Variants in FERMT1 observed in about 807,000 individuals in gnomAD.
FERMT1 encodes the protein fermitin family homolog 1.
A neutral mutation model predicts 85.3 loss-of-function variants in FERMT1; 60 were observed. The observed-to-expected ratio is 0.70, with a 90% CI of 0.57 to 0.87. The LOEUF is 0.87. Ranked by LOEUF, FERMT1 falls within the 40% of genes least tolerant of loss-of-function variation. FERMT1 has a pLI of 0.00. For synonymous variants in FERMT1, 275 were observed against 301.1 expected, an observed-to-expected ratio of 0.91 and a Z score of 0.90; for missense variants, 701 against 818.9, an observed-to-expected ratio of 0.86 and a Z score of 1.76.
chr20:6,116,086 C>A (rs143539679), intron 2 of FERMT1, 42 bp from the exon 3 acceptor site: 3 of 1,423,920 alleles, frequency 2.1e-6, no homozygotes, highest in Non-Finnish European at 2.0e-6. Flanking sequence ...GAGAGAGGGC[C>A]CAGCTTGGAG....
chr20:6,081,104 C>G (rs1981982524), intron 13 of FERMT1, among the ~76,000 whole-genome samples: 1 of 151,950 alleles, frequency 6.6e-6, no homozygotes, highest in Non-Finnish European at 1.5e-5. Flanking sequence ...CTGGGTAACA[C>G]AGTGAGATCC....
At chr20:6,111,712 T>C (rs922453253) in intron 4 of FERMT1, among the ~76,000 whole-genome samples, 13 of 152,102 alleles carry the variant, frequency 8.5e-5, no homozygotes, top group Non-Finnish European at 1.8e-4. Context: ...TTTGATTGTT[T>C]TGATATAAAA....
At chr20:6,088,021 A>C in intron 10 of FERMT1, 138 bp from the exon 11 acceptor site, 1 of 688,162 alleles carries the variant, frequency 1.5e-6, no homozygotes, top group South Asian at 1.5e-5. Flanking sequence ...GAGCAAGCTG[A>C]TAACATTAAT....
At chr20:6,108,539 G>A (rs1221888687) in intron 5 of FERMT1, among the ~76,000 whole-genome samples, 1 of 152,092 alleles carries the variant, frequency 6.6e-6, no homozygotes, top group Non-Finnish European at 1.5e-5. Flanking sequence ...GCAGGGTGCG[G>A]GGACTCATAC....
chr20:6,103,740 T>C (rs376979627), intron 6 of FERMT1, among the ~76,000 whole-genome samples: 1 of 150,734 alleles, frequency 6.6e-6, no homozygotes, highest in South Asian at 2.1e-4. Flanking sequence ...TTGTAGTATG[T>C]GTTGTAAAGA....
intron 6 of FERMT1, among the ~76,000 whole-genome samples, chr20:6,101,809 T>A (rs1460285147): frequency 3.9e-5 from 6 of 151,962 alleles, no homozygotes; most frequent in Non-Finnish European, 8.8e-5. Flanking sequence ...CCCGCCTCCA[T>A]GCTCCGCTAA....
chr20:6,090,634 C>T (rs1982330415), intron 9 of FERMT1, among the ~76,000 whole-genome samples: 1 of 151,828 alleles, frequency 6.6e-6, no homozygotes, highest in Non-Finnish European at 1.5e-5. Flanking sequence ...TGTCTATAGT[C>T]CCAGCTATGT....
At chr20:6,081,159 G>A (rs143394463) in intron 13 of FERMT1, among the ~76,000 whole-genome samples, 2 of 151,936 alleles carry the variant, frequency 1.3e-5, no homozygotes, top group African/African-American at 4.8e-5. Context: ...CTCACAAGTC[G>A]CAGCTACTTG....
At chr20:6,079,610 C>T (rs750635283) in intron 13 of FERMT1, 33 bp from the exon 14 acceptor site, 1 of 1,584,078 alleles carries the variant, frequency 6.3e-7, no homozygotes, top group Non-Finnish European at 8.7e-7. Context: ...TTAAGAGAAG[C>T]AACTGCTTCC....
At chr20:6,111,901 T>A (rs1982962188) in intron 4 of FERMT1, among the ~76,000 whole-genome samples, 1 of 148,448 alleles carries the variant, frequency 6.7e-6, no homozygotes, top group African/African-American at 2.4e-5. Flanking sequence ...TCTTGCTCTG[T>A]CACCCAGCCT....
rs775064265 is a variant in FERMT1 at position 6,110,404 on chromosome 20, G to C, written c.640C>G (p.Gln214Glu). 28 of 1,613,940 alleles carry C rather than the reference G, an allele frequency of 1.7e-5. No homozygotes were observed. The African/African-American group carries it at 3.5e-4, about 20-fold the overall frequency. ...TWFSDSPLTEQNCSILAFSQP... is the reference protein window; with the variant it reads ...TWFSDSPLTEENCSILAFSQP... ...CTGAATGCGAGGATGCTGCAGTTTT[G>C]TTCCGTCAAAGGGCTGTCACTGAAC... The change falls in exon 5 of 15, where the codon CAA (glutamine) becomes GAA (glutamate). Residue 214 changes from glutamine to glutamate, a missense_variant. Coordinates refer to ENST00000217289, the MANE Select transcript of FERMT1 (RefSeq NM_017671.5).
At chr20:6,109,392 C>T (rs924289150) in intron 5 of FERMT1, among the ~76,000 whole-genome samples, 1 of 152,154 alleles carries the variant, frequency 6.6e-6, no homozygotes, top group Non-Finnish European at 1.5e-5. Flanking sequence ...AATGAGTGTG[C>T]ACCCAGGCGG....
intron 14 of FERMT1, 90 bp from the exon 15 acceptor site, chr20:6,077,436 G>A: frequency 1.5e-6 from 2 of 1,293,546 alleles, no homozygotes; most frequent in Non-Finnish European, 2.2e-6. Context: ...GGAGCTGAGG[G>A]CTGCTGAGGT....
intron 5 of FERMT1, 23 bp from the exon 6 acceptor site, chr20:6,107,657 T>C (rs1225652149): frequency 7.3e-7 from 1 of 1,377,840 alleles, no homozygotes; most frequent in Admixed American, 1.7e-5. Context: ...AGCATGAGTT[T>C]TAGAAGCCAG....
At chr20:6,112,707 A>G in intron 3 of FERMT1, 84 bp from the exon 4 acceptor site, 3 of 1,003,242 alleles carry the variant, frequency 3.0e-6, no homozygotes, top group South Asian at 1.7e-5. Flanking sequence ...TGCATTTAAA[A>G]TCATTTCTCA....
At chr20:6,085,359 G>T in intron 11 of FERMT1, 72 bp from the exon 12 acceptor site, 1 of 1,365,252 alleles carries the variant, frequency 7.3e-7, no homozygotes, top group Non-Finnish European at 1.0e-6. Flanking sequence ...GGGGACTTGG[G>T]CTTTCTACCC....
chr20:6,119,249 G>A (rs1055460903), intron 2 of FERMT1, among the ~76,000 whole-genome samples, 155 bp downstream of exon 2: 8 of 152,144 alleles, frequency 5.3e-5, no homozygotes, highest in Non-Finnish European at 1.2e-4. Flanking sequence ...CACCCAGCCT[G>A]GGCTATTTCT....
In FERMT1 at chr20:6,104,271, G is replaced by C. The variant is rs916763024; in HGVS notation, c.849+3261C>G. 2.6e-5 allele frequency among the ~76,000 whole-genome samples: 4 copies of C among 152,166 alleles called. No homozygotes were observed. Among genetic ancestry groups the C allele is most frequent in the African/African-American group, 9.7e-5 (4 of 41,428 alleles). ...ACCTGTGGCCAGTATGAATCTCTCT[G>C]AAAGCCAGAGAAGCTCTCTAGTCCT... On this transcript the variant is annotated intron_variant, in intron 6 of 14. Coordinates refer to ENST00000217289, the MANE Select transcript of FERMT1 (RefSeq NM_017671.5). This position sits in a 1 kb window ranked among gnomAD's most constrained non-coding sequence, Gnocchi z 4.2.
At chr20:6,084,576 A>G (rs1221980298) in intron 12 of FERMT1, among the ~76,000 whole-genome samples, 1 of 152,236 alleles carries the variant, frequency 6.6e-6, no homozygotes, top group Non-Finnish European at 1.5e-5. Context: ...TCAGCAGTAC[A>G]GTCACCTCTA....
Sources: allele counts gnomAD v4.1 joint callset (sites outside exome capture counted in the v4.1 genomes callset), GRCh38; gene constraint gnomAD v4.1.1; non-coding constraint Gnocchi (gnomAD v3.1); transcripts MANE v1.5; gene names NCBI Gene and HGNC (gene_info 2026-07-23, HGNC 2026-07-21).